The following XKR6 variants were observed in gnomAD, a reference collection of about 807,000 sequenced individuals.
The protein encoded by XKR6 is XK-related protein 6.
In XKR6, 22 loss-of-function variants were observed where a neutral mutation model predicts 56.7. The ratio of observed to expected loss-of-function variants is 0.39; its 90% CI spans 0.28 to 0.55. The LOEUF is 0.55. XKR6 is among the 20% of genes least tolerant of loss of function. XKR6 has a pLI of 0.66. For missense variants in XKR6, 852 were observed against 889.0 expected (o/e 0.96, Z 0.53); for synonymous variants, 524 against 387.8 (o/e 1.35, Z -4.13).
intron 1 of XKR6, among the ~76,000 whole-genome samples, chr8:11,170,354 G>A (rs1425252970): frequency 6.6e-6 from 1 of 152,182 alleles, no homozygotes; most frequent in Non-Finnish European, 1.5e-5. Flanking sequence ...CCATCCAATG[G>A]AATATTAGTC....
intron 2 of XKR6, among the ~76,000 whole-genome samples, chr8:10,902,552 A>G (rs1035491711): frequency 1.3e-5 from 2 of 152,198 alleles, no homozygotes; most frequent in African/African-American, 4.8e-5. Flanking sequence ...TCCAGCAGGC[A>G]ACACCTTTCT....
At chr8:10,991,308 T>C (rs1191564382) in intron 1 of XKR6, among the ~76,000 whole-genome samples, 1 of 152,050 alleles carries the variant, frequency 6.6e-6, no homozygotes, top group African/African-American at 2.4e-5. Flanking sequence ...CTGTCCAGGG[T>C]CACAATCCAC....
intron 1 of XKR6, among the ~76,000 whole-genome samples, chr8:11,182,745 C>A (rs1803062186): frequency 6.6e-6 from 1 of 152,172 alleles, no homozygotes; most frequent in Admixed American, 6.5e-5. Context: ...ACAAAATTTA[C>A]CATCTGAGCC....
At chr8:11,105,343 A>G (rs1457491237) in intron 1 of XKR6, 2 of 152,236 alleles carry the variant, frequency 1.3e-5, no homozygotes, top group African/African-American at 4.8e-5. Flanking sequence ...GCTGAAAAAA[A>G]TGGTGAAGTC....
chr8:11,023,860 T>A (rs932240433), intron 1 of XKR6, among the ~76,000 whole-genome samples: 4 of 152,200 alleles, frequency 2.6e-5, no homozygotes, highest in Admixed American at 2.6e-4. Context: ...GGGTACGATG[T>A]CCTTCTCCAG....
chr8:10,927,814 G>A (rs2129118478), intron 1 of XKR6, among the ~76,000 whole-genome samples: 1 of 152,246 alleles, frequency 6.6e-6, no homozygotes, highest in Non-Finnish European at 1.5e-5. Flanking sequence ...CAAAGAGGGT[G>A]CCACTCCTCC....
intron 1 of XKR6, among the ~76,000 whole-genome samples, chr8:10,985,334 T>C (rs1190326879): frequency 6.6e-6 from 1 of 152,144 alleles, no homozygotes; most frequent in Non-Finnish European, 1.5e-5. Context: ...GCACCCACTT[T>C]CTTGCCAGCA....
intron 1 of XKR6, among the ~76,000 whole-genome samples, chr8:10,930,363 C>G (rs1287646292): frequency 6.6e-6 from 1 of 152,116 alleles, no homozygotes; most frequent in Non-Finnish European, 1.5e-5. Context: ...ATGGTAAATT[C>G]TACCAAACAG....
Position 10,898,631 on chromosome 8 carries a change from A to C in XKR6, c.1247T>G (p.Ile416Ser). The change falls in exon 3 of 3, where the codon ATC becomes AGC. Residue 416 changes from isoleucine to serine, a missense_variant. Ile to Ser is a moderately radical substitution (Grantham distance 142). Around this residue, in one of 4 missense-constraint regions of XKR6, gnomAD observed 199 missense variants for 280.4 expected, o/e 0.71. Transcript: ENST00000416569. This position sits in a 1 kb window ranked among gnomAD's most constrained non-coding sequence, Gnocchi z 6.6. ...GATCCCTACCACCATGTTGAAGAGG[A>C]TCTCCTCCCACTTGGACATGCAGAA... Reference protein sequence around the residue: ...TDFCMSKWEEILFNMVVGIVY... With the variant: ...TDFCMSKWEESLFNMVVGIVY... 6.2e-7 allele frequency: 1 copy of C among 1,614,110 alleles called. No individual in the cohort carries two copies. Among genetic ancestry groups the C allele is most frequent in the Non-Finnish European group, 8.5e-7 (1 of 1,180,012 alleles).
intron 1 of XKR6, among the ~76,000 whole-genome samples, chr8:11,015,328 G>A (rs918045894): frequency 1.3e-5 from 2 of 152,054 alleles, no homozygotes; most frequent in African/African-American, 2.4e-5. Flanking sequence ...CAACTCTCTG[G>A]AAAGAGGGAT....
In XKR6 at chr8:11,197,227, A is replaced by T. The variant is rs147795789; in HGVS notation, c.764+3349T>A. ...TTTACTCTGAAATAGAAGGGTGCAA[A>T]CACACACATAAAACTACATCCATTA... On this transcript the variant is annotated intron_variant, in intron 1 of 2. Transcript: ENST00000416569. Among the ~76,000 whole-genome samples, 76 of 152,366 alleles carry T rather than the reference A, an allele frequency of 5.0e-4. No homozygotes were observed. In the South Asian group the frequency reaches 5.8e-3, roughly 12 times the overall value.
intron 1 of XKR6, among the ~76,000 whole-genome samples, chr8:10,934,933 T>A (rs1321911342): frequency 2.8e-5 from 3 of 109,034 alleles, no homozygotes; most frequent in African/African-American, 1.2e-4. Flanking sequence ...TAGGGAGGAT[T>A]CCCTCTTTTT....
intron 1 of XKR6, among the ~76,000 whole-genome samples, chr8:11,181,677 G>A (rs1454587109): frequency 6.6e-6 from 1 of 152,188 alleles, no homozygotes; most frequent in African/African-American, 2.4e-5. Context: ...TCAATGCCAA[G>A]TCAAATCTTC....
At chr8:11,170,205 C>T (rs1431177780) in intron 1 of XKR6, among the ~76,000 whole-genome samples, 1 of 152,174 alleles carries the variant, frequency 6.6e-6, no homozygotes, top group Non-Finnish European at 1.5e-5. Flanking sequence ...ATATATCCAA[C>T]AAAAATTAAG....
chr8:10,937,065 CAT>C (rs1197853434), intron 1 of XKR6, among the ~76,000 whole-genome samples: 3 of 90,008 alleles, frequency 3.3e-5, no homozygotes, highest in Admixed American at 1.2e-4. Context: ...GGTCTTTTCA[CAT>C]AGTCCCATAT....
intron 1 of XKR6, among the ~76,000 whole-genome samples, chr8:10,993,438 A>C (rs1375130140): frequency 6.6e-6 from 1 of 152,186 alleles, no homozygotes; most frequent in Non-Finnish European, 1.5e-5. Context: ...GCTGTCCCAC[A>C]CCTCTGCATG....
chr8:10,960,598 C>A (rs1802032950), intron 1 of XKR6, among the ~76,000 whole-genome samples: 1 of 152,232 alleles, frequency 6.6e-6, no homozygotes. Context: ...ATCCTCAACA[C>A]AGCCCAGCCA....
At chr8:11,066,260 C>T (rs532798528) in intron 1 of XKR6, among the ~76,000 whole-genome samples, 2 of 152,382 alleles carry the variant, frequency 1.3e-5, no homozygotes, top group Admixed American at 1.3e-4. Context: ...CTGATCTGGT[C>T]TCTGCCTGTT....
At chr8:10,966,524 A>G (rs1238277325) in intron 1 of XKR6, among the ~76,000 whole-genome samples, 2 of 152,060 alleles carry the variant, frequency 1.3e-5, no homozygotes, top group African/African-American at 2.4e-5. Flanking sequence ...ATACAAAAAA[A>G]TTAGCCTGGC....
Sources: gnomAD v4.1 joint callset for allele counts (sites outside exome capture counted in the v4.1 genomes callset) on GRCh38, gnomAD v4.1.1 for gene constraint, gnomAD v4.1.1 regional missense constraint, Gnocchi (gnomAD v3.1) non-coding constraint, MANE v1.5 for transcripts, NCBI Gene and HGNC (gene_info 2026-07-23, HGNC 2026-07-21) for gene names.